Variants in TRANK1 observed in about 807,000 individuals in gnomAD.
TRANK1 encodes TPR and ankyrin repeat-containing protein 1.
A neutral mutation model predicts 266.0 loss-of-function variants in TRANK1; 198 were observed. The ratio of observed to expected loss-of-function variants is 0.74; its 90% confidence interval spans 0.66 to 0.84. The LOEUF (loss-of-function observed/expected upper bound fraction) is 0.84, where lower values mean the gene tolerates loss of function less well. Ranked by LOEUF, TRANK1 falls within the 40% of genes least tolerant of loss-of-function variation. The pLI, the probability that TRANK1 is intolerant of heterozygous loss-of-function variation, is 0.00. For missense variants in TRANK1, 3,326 were observed against 3,634.6 expected (o/e 0.92, Z 2.18); for synonymous variants, 1,396 against 1,384.1 (o/e 1.01, Z -0.19).
At chr3:36,869,162 T>C (rs1189786550) in intron 9 of TRANK1, among the ~76,000 whole-genome samples, 2 of 152,216 alleles carry the variant, frequency 1.3e-5, no homozygotes, top group Non-Finnish European at 2.9e-5. Flanking sequence ...TAGTGAGAAA[T>C]ACAGAATCTC....
intron 10 of TRANK1, among the ~76,000 whole-genome samples, chr3:36,861,872 C>G (rs892268711): frequency 6.6e-6 from 1 of 151,744 alleles, no homozygotes; most frequent in Non-Finnish European, 1.5e-5. Context: ...CACCCGGCTA[C>G]TTTTTTGTAT....
At chr3:36,837,130 C>T (rs2078781202) in intron 20 of TRANK1, among the ~76,000 whole-genome samples, 2 of 152,234 alleles carry the variant, frequency 1.3e-5, no homozygotes, top group South Asian at 4.1e-4. Flanking sequence ...CAGGATCCAT[C>T]ACCTGCCTTT....
chr3:36,861,847 A>C (rs1039607546), intron 10 of TRANK1, among the ~76,000 whole-genome samples: 1 of 151,378 alleles, frequency 6.6e-6, no homozygotes, highest in Non-Finnish European at 1.5e-5. Flanking sequence ...CTGGGACTAC[A>C]GGCGCCCGCC....
At chr3:36,874,089 T>G in intron 9 of TRANK1, 37 bp downstream of exon 9, 1 of 1,514,526 alleles carries the variant, frequency 6.6e-7, no homozygotes, top group South Asian at 1.2e-5. Flanking sequence ...AGAACCAGTT[T>G]TATGCCCCCC....
intron 4 of TRANK1, among the ~76,000 whole-genome samples, chr3:36,897,028 G>A (rs1317800058): frequency 6.6e-6 from 1 of 151,886 alleles, no homozygotes; most frequent in African/African-American, 2.4e-5. Flanking sequence ...GAAACCGGGG[G>A]CAGTGGCTCA....
intron 9 of TRANK1, among the ~76,000 whole-genome samples, chr3:36,864,881 A>G (rs2079192067): frequency 1.3e-5 from 2 of 152,174 alleles, no homozygotes; most frequent in Non-Finnish European, 2.9e-5. Flanking sequence ...ATGTGAAAGA[A>G]ACCAGCCAAC....
At position 36,856,736 on chromosome 3, in the gene TRANK1, A is replaced by G; in HGVS notation, c.2986T>C (p.Tyr996His). The part of the protein sequence containing the change: ...MKIQKRIPRC[Y>H]VEDTEAEKGR... ...TTCTCGGCCTCTGTGTCCTCCACAT[A>G]GCAGCGAGGTATACGCTTTTGAATT... is the stretch of plus-strand genomic sequence containing the variant. Residue 996 changes from tyrosine (Y) to histidine (H), a missense_variant, in exon 13 of 24, where the codon TAT (tyrosine) becomes CAT (histidine). Transcript: ENST00000645898. 1 of 1,614,038 alleles carries G rather than the reference A, an allele frequency of 6.2e-7. No homozygotes were observed. Among genetic ancestry groups the G allele is most frequent in the Non-Finnish European group, 8.5e-7 (1 of 1,179,906 alleles).
In TRANK1 at chr3:36,855,078, G is replaced by A; in HGVS notation, c.4549+95C>T. ...CCAAAATACTACCCTTACTTCAGCT[G>A]TAAAAACCTAACAAGAGCTAGTCTG... On this transcript the variant is annotated intron_variant, in intron 13 of 23. Transcript: ENST00000645898. The A allele has an allele frequency of 6.1e-6, 7 of 1,151,594 alleles. No individual in the cohort carries two copies. The South Asian group carries it at 7.9e-5, about 13-fold the overall frequency. The allele number at this position is 1,151,594 out of a possible 1,614,324, so 71.3% of individuals were successfully genotyped here.
At chr3:36,864,083 C>A (rs931412188) in intron 10 of TRANK1, among the ~76,000 whole-genome samples, 45 of 152,100 alleles carry the variant, frequency 3.0e-4, no homozygotes, top group African/African-American at 1.1e-3. Flanking sequence ...AAGAGTAATT[C>A]TAGAAGGACA....
In TRANK1 at chr3:36,849,163, A is replaced by C. The variant is rs572876242; in HGVS notation, c.4888-1817T>G. Among the ~76,000 whole-genome samples the C allele has an allele frequency of 2.7e-4, 41 of 152,220 alleles. 1 individual carries two copies. The South Asian group carries it at 6.2e-3, about 23-fold the overall frequency. On this transcript the variant is annotated intron_variant, in intron 15 of 23. Transcript: ENST00000645898. ...TAGCAATCCTACCTTTGAGGGGCCT[A>C]TTCTCTAGGTCAATTAGACAACCCA...
chr3:36,909,224 G>A (rs2080017688), intron 1 of TRANK1, among the ~76,000 whole-genome samples: 1 of 152,220 alleles, frequency 6.6e-6, no homozygotes, highest in South Asian at 2.1e-4. Context: ...AAGTTTTGTA[G>A]CCGTATGGCC....
intron 3 of TRANK1, among the ~76,000 whole-genome samples, chr3:36,900,730 TC>T (rs2079862368): frequency 6.6e-6 from 1 of 151,388 alleles, no homozygotes; most frequent in Non-Finnish European, 1.5e-5. Context: ...AAATTTGTTT[TC>T]ATTAGCTGGG....
chr3:36,892,842 CAAAACAAAACAT>C (rs1309210711), intron 6 of TRANK1, 47 bp downstream of exon 6: 4 of 732,850 alleles, frequency 5.5e-6, no homozygotes, highest in South Asian at 5.3e-5. Context: ...CAAAACAAAA[CAAAACAAAACAT>C]ATATATATAT....
chr3:36,838,830 C>G (rs1258948633), intron 18 of TRANK1, 114 bp from the exon 19 acceptor site: 2 of 1,050,812 alleles, frequency 1.9e-6, no homozygotes, highest in Non-Finnish European at 2.8e-6. Context: ...CTTGCTCCAG[C>G]CCAATCTGAG....
intron 8 of TRANK1, among the ~76,000 whole-genome samples, chr3:36,887,880 C>G (rs112772773): frequency 1.5e-3 from 225 of 152,324 alleles, no homozygotes; most frequent in African/African-American, 5.3e-3. Context: ...TGTGAAGAAG[C>G]TGGAATCGTC....
Position 36,852,202 on chromosome 3 carries a change from T to G in TRANK1, c.4693A>C (p.Ile1565Leu). The stretch of plus-strand genomic sequence containing the variant: ...TTCCTTTTATTCCCTCGTAGCAAAA[T>G]TGCCAAGTCGCTTACACTACAAGAC... ...LESCSVSDLA[I>L]LLRGNKRKTQ... Residue 1565 changes from isoleucine to leucine, a missense_variant, in exon 14 of 24, where the codon ATT (isoleucine) becomes CTT (leucine). Transcript: ENST00000645898. The G allele has an allele frequency of 6.2e-7, 1 of 1,609,842 alleles. No individual in the cohort carries two copies. The highest frequency in any genetic ancestry group is 1.1e-5 in the South Asian group (1 of 89,726).
chr3:36,852,651 C>G lies in TRANK1; in HGVS notation c.4550-306G>C, dbSNP rs77281637. 3.2e-4 allele frequency among the ~76,000 whole-genome samples: 49 copies of G among 151,548 alleles called. No homozygotes were observed. In the East Asian group the frequency reaches 7.9e-3, roughly 25 times the overall value. ...AGTCAAGGCAAAAATGTAATATAAACAATGAGACCTCAGGAGGCTGAGGCA... is the reference window on the plus strand; with the variant it reads ...AGTCAAGGCAAAAATGTAATATAAAGAATGAGACCTCAGGAGGCTGAGGCA... On this transcript the variant is annotated intron_variant, in intron 13 of 23. Coordinates refer to ENST00000645898, the MANE Select transcript of TRANK1 (RefSeq NM_001329998.2).
chr3:36,875,049 C>T (rs772385673), intron 8 of TRANK1, among the ~76,000 whole-genome samples: 19 of 151,906 alleles, frequency 1.3e-4, no homozygotes, highest in Non-Finnish European at 2.5e-4. Context: ...TCCCACCCAT[C>T]GAGAATCTCA....
In TRANK1 at chr3:36,879,867, TAAACATAC is replaced by T. The variant is rs1471010411; in HGVS notation, c.908-5579_908-5572del. ...ATATATGTAAATATACAAATATATG[TAAACATAC>T]AAATATATGTAAACATGCAAATATA... On this transcript the variant is annotated intron_variant, in intron 8 of 23. Transcript: ENST00000645898. Among the ~76,000 whole-genome samples the T allele has an allele frequency of 6.2e-4, 65 of 105,134 alleles. 11 individuals are homozygous for T. Among genetic ancestry groups the T allele is most frequent in the East Asian group, 2.5e-3 (7 of 2,790 alleles). 69.0% of individuals were successfully genotyped at this position (105,134 alleles called of 152,430 possible). A position where few individuals can be genotyped will look rare whatever the true frequency, so the allele number is the denominator to read the frequency against.
Sources: gnomAD v4.1 joint callset for allele counts (sites outside exome capture counted in the v4.1 genomes callset) on GRCh38, gnomAD v4.1.1 for gene constraint, MANE v1.5 for transcripts, NCBI Gene and HGNC (gene_info 2026-07-23, HGNC 2026-07-21) for gene names.